HAO1: variants seen among roughly 807,000 people sequenced by gnomAD.
HAO1 encodes the protein hydroxyacid oxidase 1, also known as 2-Hydroxyacid oxidase 1.
In HAO1, 34 loss-of-function variants were observed where a neutral mutation model predicts 39.7. That is an observed-to-expected ratio of 0.86 (90% CI 0.65 to 1.14). The LOEUF (loss-of-function observed/expected upper bound fraction) is 1.14, where lower values mean the gene tolerates loss of function less well. HAO1 is among the 50% of genes most tolerant of loss of function. The pLI, the probability that HAO1 is intolerant of heterozygous loss-of-function variation, is 0.00. For missense variants in HAO1, 479 were observed against 464.5 expected, an observed-to-expected ratio of 1.03 and a Z score of -0.29; for synonymous variants, 172 against 173.2, an observed-to-expected ratio of 0.99 and a Z score of 0.05.
chr20:7,909,209 A>G (rs2050263813), intron 3 of HAO1, among the ~76,000 whole-genome samples: 1 of 151,864 alleles, frequency 6.6e-6, no homozygotes, highest in African/African-American at 2.4e-5. Context: ...ATTTCAGTGC[A>G]CAATGAAGCC....
At chr20:7,904,355 G>A (rs528295856) in intron 4 of HAO1, among the ~76,000 whole-genome samples, 13 of 152,280 alleles carry the variant, frequency 8.5e-5, no homozygotes, top group African/African-American at 2.4e-4. Flanking sequence ...CATGATTTCT[G>A]TAAAATGCTT....
At chr20:7,891,701 A>T (rs2050174983) in intron 5 of HAO1, among the ~76,000 whole-genome samples, 1 of 152,172 alleles carries the variant, frequency 6.6e-6, no homozygotes, top group Non-Finnish European at 1.5e-5. Flanking sequence ...TTGTTTTTTA[A>T]AAAACGGTCT....
intron 3 of HAO1, among the ~76,000 whole-genome samples, chr20:7,912,255 C>T (rs1421251670): frequency 2.6e-5 from 4 of 152,112 alleles, no homozygotes; most frequent in African/African-American, 9.7e-5. Context: ...AGCAAATCAA[C>T]CTTCCTGCCA....
chr20:7,905,123 A>G (rs1330343877), intron 4 of HAO1, among the ~76,000 whole-genome samples: 1 of 152,224 alleles, frequency 6.6e-6, no homozygotes, highest in Admixed American at 6.5e-5. Flanking sequence ...AAACATCACT[A>G]TATGCTCTAT....
intron 2 of HAO1, among the ~76,000 whole-genome samples, chr20:7,918,620 G>C (rs2050317523): frequency 6.6e-6 from 1 of 152,126 alleles, no homozygotes; most frequent in South Asian, 2.1e-4. Context: ...GGCAGAGCGG[G>C]GGGCATCCAC....
At chr20:7,939,755 A>G (rs1297112867) in intron 1 of HAO1, among the ~76,000 whole-genome samples, 2 of 152,234 alleles carry the variant, frequency 1.3e-5, no homozygotes, top group Non-Finnish European at 2.9e-5. Context: ...AGTGCTTTGA[A>G]GGAGAGATGA....
intron 2 of HAO1, among the ~76,000 whole-genome samples, chr20:7,921,934 A>G (rs961147654): frequency 1.3e-5 from 2 of 152,098 alleles, no homozygotes; most frequent in African/African-American, 4.8e-5. Flanking sequence ...AATGGTAACA[A>G]TAGATGCTGG....
chr20:7,910,890 C>T (rs750757145), intron 3 of HAO1, among the ~76,000 whole-genome samples: 1 of 152,160 alleles, frequency 6.6e-6, no homozygotes, highest in African/African-American at 2.4e-5. Context: ...TCCCCTGCCC[C>T]CACCCTGTTA....
chr20:7,910,354 G>A (rs772955255), intron 3 of HAO1, among the ~76,000 whole-genome samples: 4 of 152,266 alleles, frequency 2.6e-5, no homozygotes, highest in Non-Finnish European at 5.9e-5. Context: ...GAAATTAGTA[G>A]AACTGTGTTT....
chr20:7,897,086 A>G (rs1211270965), intron 4 of HAO1, among the ~76,000 whole-genome samples: 1 of 152,196 alleles, frequency 6.6e-6, no homozygotes, highest in African/African-American at 2.4e-5. Flanking sequence ...TGACAATTGG[A>G]TTGGGTATAA....
intron 1 of HAO1, among the ~76,000 whole-genome samples, chr20:7,936,970 G>A (rs959748264): frequency 6.6e-6 from 1 of 151,894 alleles, no homozygotes; most frequent in East Asian, 1.9e-4. Flanking sequence ...CTATATTCTC[G>A]GACTGTGCTT....
At chr20:7,940,244 G>A in intron 1 of HAO1, 42 bp downstream of exon 1, 1 of 1,497,840 alleles carries the variant, frequency 6.7e-7, no homozygotes, top group Non-Finnish European at 9.1e-7. Context: ...TACGGTCTTT[G>A]TGTAATTTTA....
In HAO1 at chr20:7,927,220, G is replaced by A. The variant is rs542835998; in HGVS notation, c.289+7264C>T. Among the ~76,000 whole-genome samples the A allele has an allele frequency of 2.6e-5, 4 of 152,158 alleles. No homozygotes were observed. The South Asian group carries it at 8.3e-4, about 32-fold the overall frequency. ...TTAATTGGATATTTGAGAAGTCAGA[G>A]ATGTTCTACTTATCCTGGAAGACTA... On this transcript the variant is annotated intron_variant, in intron 2 of 7. Coordinates refer to ENST00000378789, the MANE Select transcript of HAO1 (RefSeq NM_017545.3).
At chr20:7,912,142 G>T (rs143520061) in intron 3 of HAO1, among the ~76,000 whole-genome samples, 3,104 of 152,294 alleles carry the variant, frequency 0.02, 45 homozygotes, top group Non-Finnish European at 0.035. Context: ...AAGCTAGGAA[G>T]CCGCAGCCAG....
At position 7,933,253 on chromosome 20, in the gene HAO1, AT is replaced by A. The variant is rs200435072; in HGVS notation, c.289+1230del. ...GGACATTAACCCTTCACAGTCTCATATTTTTTTTCCATTTCTTTCAGTTTAC... is the reference window on the plus strand; with the variant it reads ...GGACATTAACCCTTCACAGTCTCATATTTTTTTCCATTTCTTTCAGTTTAC... On this transcript the variant is annotated intron_variant, in intron 2 of 7. Transcript: ENST00000378789. 3.0e-3 allele frequency among the ~76,000 whole-genome samples: 449 copies of A among 151,390 alleles called. 5 individuals are homozygous for A. The highest frequency in any genetic ancestry group is 9.4e-3 in the African/African-American group (388 of 41,286).
At chr20:7,918,575 C>CTTCCTCA (rs1300183139) in intron 2 of HAO1, among the ~76,000 whole-genome samples, 1 of 152,222 alleles carries the variant, frequency 6.6e-6, no homozygotes, top group Admixed American at 6.5e-5. Flanking sequence ...AATCCCCAGA[C>CTTCCTCA]TTCCTCATAA....
intron 7 of HAO1, among the ~76,000 whole-genome samples, chr20:7,884,984 A>AG (rs2050144229): frequency 6.6e-6 from 1 of 152,116 alleles, no homozygotes; most frequent in Admixed American, 6.6e-5. Context: ...GATGACAGGG[A>AG]GGTCAGATTC....
intron 4 of HAO1, among the ~76,000 whole-genome samples, chr20:7,895,463 T>C (rs2050192759): frequency 6.6e-6 from 1 of 152,132 alleles, no homozygotes; most frequent in South Asian, 2.1e-4. Flanking sequence ...TATACAAAAG[T>C]ATCAATAGAT....
At chr20:7,937,611 C>G (rs895224837) in intron 1 of HAO1, among the ~76,000 whole-genome samples, 2 of 152,056 alleles carry the variant, frequency 1.3e-5, no homozygotes, top group African/African-American at 4.8e-5. Flanking sequence ...ATGAGGGCTT[C>G]TAAGTGTCGA....
Sources: allele counts gnomAD v4.1 joint callset (sites outside exome capture counted in the v4.1 genomes callset), GRCh38; gene constraint gnomAD v4.1.1; transcripts MANE v1.5; gene names NCBI Gene and HGNC (gene_info 2026-07-23, HGNC 2026-07-21).